The following ZBTB20 variants were observed in gnomAD, a reference collection of about 807,000 sequenced individuals.
The protein encoded by ZBTB20 is zinc finger and BTB domain-containing protein 20.
A neutral mutation model predicts 56.9 loss-of-function variants in ZBTB20; 9 were observed. The ratio of observed to expected loss-of-function variants is 0.16; its 90% confidence interval spans 0.10 to 0.28. The LOEUF is 0.28. Among genes scored for constraint, ZBTB20 ranks in the 10% least tolerant of loss-of-function variants. The pLI is 1.00. For missense variants in ZBTB20, 655 were observed against 1,003.0 expected (o/e 0.65, Z 4.69); for synonymous variants, 417 against 420.7 (o/e 0.99, Z 0.11).
At chr3:114,366,813 T>C (rs1255068328) in intron 10 of ZBTB20, 1 of 152,226 alleles carries the variant, frequency 6.6e-6, no homozygotes, top group Non-Finnish European at 1.5e-5. Context: ...AATGAGCCAG[T>C]GACTGTTACT....
Position 114,955,723 on chromosome 3 carries a change from T to A in ZBTB20, c.-456+18643A>T, listed in dbSNP as rs144408361. ...GAAAAACAACTGCCACTCCATCACC[T>A]CTCTGACTTTGGCTTTCTAGGGAAT... On this transcript the variant is annotated intron_variant, in intron 3 of 11. Transcript: ENST00000675478. 1.8e-4 allele frequency among the ~76,000 whole-genome samples: 27 copies of A among 152,224 alleles called. No individual in the cohort carries two copies. The East Asian group carries it at 5.2e-3, about 29-fold the overall frequency.
chr3:114,912,173 A>G (rs978130635), intron 3 of ZBTB20, among the ~76,000 whole-genome samples: 1 of 151,380 alleles, frequency 6.6e-6, no homozygotes, highest in African/African-American at 2.4e-5. Flanking sequence ...TATATCCACA[A>G]AAGCTGTCCT....
At chr3:114,699,570 C>T (rs1295074714) in intron 5 of ZBTB20, among the ~76,000 whole-genome samples, 1 of 152,046 alleles carries the variant, frequency 6.6e-6, no homozygotes, top group Non-Finnish European at 1.5e-5. Flanking sequence ...GAAGATTCAA[C>T]TTAAAGCATG....
chr3:114,621,821 A>G lies in ZBTB20; in HGVS notation c.-295+71707T>C, dbSNP rs566344417. ...TGATCAAGGTATTGAAAAAATAAGT[A>G]ATATTAATATAGCCATTGAAGCACA... On this transcript the variant is annotated intron_variant, in intron 6 of 11. Transcript: ENST00000675478. Among the ~76,000 whole-genome samples, 46 of 152,288 alleles carry G rather than the reference A, an allele frequency of 3.0e-4. No homozygotes were observed. The South Asian group carries it at 6.4e-3, about 21-fold the overall frequency.
intron 6 of ZBTB20, among the ~76,000 whole-genome samples, chr3:114,511,329 C>T (rs1005006643): frequency 6.6e-6 from 1 of 152,100 alleles, no homozygotes; most frequent in African/African-American, 2.4e-5. Context: ...AGTCTGTCAT[C>T]TCTGTAAGTG....
At chr3:114,468,062 AT>A (rs1386165068) in intron 7 of ZBTB20, among the ~76,000 whole-genome samples, 1 of 152,062 alleles carries the variant, frequency 6.6e-6, no homozygotes, top group Non-Finnish European at 1.5e-5. Context: ...CTGTTCCAAG[AT>A]TTTTTTTAAA....
At chr3:114,513,164 C>G (rs370750389) in intron 6 of ZBTB20, among the ~76,000 whole-genome samples, 2 of 152,144 alleles carry the variant, frequency 1.3e-5, no homozygotes, top group Non-Finnish European at 2.9e-5. Context: ...ATGTATAGAG[C>G]AGCAAATGTT....
chr3:114,644,962 A>C (rs2059760479), intron 6 of ZBTB20, among the ~76,000 whole-genome samples: 1 of 152,070 alleles, frequency 6.6e-6, no homozygotes, highest in Non-Finnish European at 1.5e-5. Flanking sequence ...TCTTTCCCTA[A>C]GGATAATGTA....
intron 6 of ZBTB20, among the ~76,000 whole-genome samples, chr3:114,647,647 CCA>C (rs2059921991): frequency 1.3e-5 from 2 of 152,146 alleles, no homozygotes; most frequent in South Asian, 4.1e-4. Flanking sequence ...TCTTTATAGT[CCA>C]GTCATTTCTA....
chr3:114,502,400 T>A (rs950735091), intron 6 of ZBTB20, among the ~76,000 whole-genome samples: 1 of 152,220 alleles, frequency 6.6e-6, no homozygotes, highest in African/African-American at 2.4e-5. Context: ...TTGTGGTCAA[T>A]GTGAAACCTT....
intron 5 of ZBTB20, among the ~76,000 whole-genome samples, chr3:114,744,335 C>T (rs2066865762): frequency 6.6e-6 from 1 of 152,054 alleles, no homozygotes; most frequent in Non-Finnish European, 1.5e-5. Context: ...TGGTGGAAAC[C>T]ATGATAAATA....
Position 114,947,989 on chromosome 3 carries a change from C to T in ZBTB20, c.-456+26377G>A, listed in dbSNP as rs1309949825. On this transcript the variant is annotated intron_variant, in intron 3 of 11. Coordinates refer to ENST00000675478, the MANE Select transcript of ZBTB20 (RefSeq NM_001348800.3). ...AATAATATAACTATGCAAAGAAAAC[C>T]TGACAAGAACATTAAGAGAAGGTAA... 2.8e-5 allele frequency among the ~76,000 whole-genome samples: 4 copies of T among 145,084 alleles called. 1 individual carries two copies. The highest frequency in any genetic ancestry group is 1.1e-4 in the African/African-American group (4 of 35,314).
intron 6 of ZBTB20, among the ~76,000 whole-genome samples, chr3:114,690,304 A>G (rs1345144544): frequency 6.6e-6 from 1 of 152,164 alleles, no homozygotes; most frequent in Non-Finnish European, 1.5e-5. Flanking sequence ...ATGTGCTCCT[A>G]AGATTAAATA....
intron 7 of ZBTB20, among the ~76,000 whole-genome samples, chr3:114,411,104 T>A (rs2087904352): frequency 6.6e-6 from 1 of 152,152 alleles, no homozygotes; most frequent in Non-Finnish European, 1.5e-5. Context: ...TATTCCCAAA[T>A]CTGAATGCTG....
chr3:114,879,829 C>CTGGA (rs375168167), intron 4 of ZBTB20, among the ~76,000 whole-genome samples: 24 of 152,262 alleles, frequency 1.6e-4, no homozygotes, highest in African/African-American at 5.8e-4. Flanking sequence ...ATCACCTGTG[C>CTGGA]TGGAGGTGGT....
intron 6 of ZBTB20, among the ~76,000 whole-genome samples, chr3:114,620,277 G>T (rs567604597): frequency 6.6e-6 from 1 of 152,136 alleles, no homozygotes; most frequent in South Asian, 2.1e-4. Flanking sequence ...TCTAGACATG[G>T]ACATGTTTTT....
intron 4 of ZBTB20, among the ~76,000 whole-genome samples, chr3:114,848,713 A>G (rs1205380287): frequency 1.3e-5 from 2 of 152,106 alleles, no homozygotes; most frequent in Non-Finnish European, 2.9e-5. Context: ...TATGTCAATC[A>G]CCCATCTACT....
chr3:114,544,488 ACTTT>A (rs1426259276), intron 6 of ZBTB20, among the ~76,000 whole-genome samples: 21 of 51,734 alleles, frequency 4.1e-4, no homozygotes, highest in African/African-American at 1.3e-3. Flanking sequence ...TTTTTCTTTC[ACTTT>A]CTTTCTTTTC....
chr3:114,478,762 A>G (rs2041168972), intron 7 of ZBTB20, among the ~76,000 whole-genome samples: 1 of 152,214 alleles, frequency 6.6e-6, no homozygotes, highest in Non-Finnish European at 1.5e-5. Flanking sequence ...GAAAGTCTGA[A>G]AAAGGTGGTT....
Sources: gnomAD v4.1 joint callset for allele counts (sites outside exome capture counted in the v4.1 genomes callset) on GRCh38, gnomAD v4.1.1 for gene constraint, MANE v1.5 for transcripts, NCBI Gene and HGNC (gene_info 2026-07-23, HGNC 2026-07-21) for gene names.